The following RMND1 variants were observed in gnomAD, a reference collection of about 807,000 sequenced individuals.
RMND1 encodes required for meiotic nuclear division protein 1 homolog.
In RMND1, 41 loss-of-function variants were observed where a neutral mutation model predicts 54.0. That is an observed-to-expected ratio of 0.76 (90% CI 0.59 to 0.98). The LOEUF is 0.98. Among genes scored for constraint, RMND1 ranks in the 50% least tolerant of loss-of-function variants. The pLI, the probability that RMND1 is intolerant of heterozygous loss-of-function variation, is 0.00. For missense variants in RMND1, 457 were observed against 532.0 expected, an observed-to-expected ratio of 0.86 and a Z score of 1.39; for synonymous variants, 183 against 181.7, an observed-to-expected ratio of 1.01 and a Z score of -0.06.
intron 10 of RMND1, chr6:151,409,023 T>G (rs1779718893): frequency 6.6e-6 from 1 of 152,236 alleles, no homozygotes; most frequent in Non-Finnish European, 1.5e-5. Flanking sequence ...TGGAAGTACT[T>G]GTTTTAACAT....
intron 2 of RMND1, among the ~76,000 whole-genome samples, chr6:151,440,167 G>A (rs1435692715): frequency 2.0e-5 from 3 of 152,126 alleles, no homozygotes; most frequent in Non-Finnish European, 4.4e-5. Flanking sequence ...ATGTTGGCCA[G>A]GCTGGTCTCA....
chr6:151,432,165 C>T, intron 4 of RMND1, among the ~76,000 whole-genome samples: 1 of 152,148 alleles, frequency 6.6e-6, no homozygotes. Flanking sequence ...TCTCAAACTC[C>T]TGACCTTGTG....
chr6:151,414,662 A>T, intron 10 of RMND1, among the ~76,000 whole-genome samples: 1 of 152,338 alleles, frequency 6.6e-6, no homozygotes, highest in East Asian at 1.9e-4. Flanking sequence ...AAATAAACTC[A>T]ATGTTGGGCA....
chr6:151,451,401 C>T (rs970192661), intron 1 of RMND1, among the ~76,000 whole-genome samples: 3 of 152,070 alleles, frequency 2.0e-5, no homozygotes, highest in African/African-American at 4.8e-5. Flanking sequence ...GACAAAAATC[C>T]TATCTTTTGA....
chr6:151,420,121 G>A (rs114781404), intron 9 of RMND1, among the ~76,000 whole-genome samples: 36 of 152,190 alleles, frequency 2.4e-4, no homozygotes, highest in African/African-American at 8.2e-4. Context: ...ACAAACCTAC[G>A]TATATTTAGT....
Position 151,448,028 on chromosome 6 carries a change from C to A in RMND1, c.-14-2203G>T, listed in dbSNP as rs183420010. Among the ~76,000 whole-genome samples, 752 of 152,204 alleles carry A rather than the reference C, an allele frequency of 4.9e-3. 5 individuals are homozygous for A. Among genetic ancestry groups the A allele is most frequent in the Admixed American group, 0.016 (251 of 15,294 alleles). On this transcript the variant is annotated intron_variant, in intron 1 of 11. Coordinates refer to ENST00000444024, the MANE Select transcript of RMND1 (RefSeq NM_017909.4). ...ACGGGGTTTCATTATGTTGGCCAGG[C>A]TGGTCTTGAAATCCTGACCTCAGGT... is the stretch of plus-strand genomic sequence containing the variant.
intron 2 of RMND1, among the ~76,000 whole-genome samples, chr6:151,442,225 T>C (rs1391747222): frequency 6.6e-6 from 1 of 152,246 alleles, no homozygotes; most frequent in Non-Finnish European, 1.5e-5. Context: ...CTGTAAGTTT[T>C]TCTGACTACA....
chr6:151,430,596 A>G (rs961109564), intron 4 of RMND1, among the ~76,000 whole-genome samples: 1 of 152,200 alleles, frequency 6.6e-6, no homozygotes, highest in Non-Finnish European at 1.5e-5. Flanking sequence ...TTGTGGAATA[A>G]AGAGATGGTG....
chr6:151,447,952 T>C (rs1000444151), intron 1 of RMND1, among the ~76,000 whole-genome samples: 1 of 151,996 alleles, frequency 6.6e-6, no homozygotes, highest in African/African-American at 2.4e-5. Context: ...TAGCTGGGAT[T>C]ACAGGTGTCT....
intron 9 of RMND1, among the ~76,000 whole-genome samples, chr6:151,419,571 G>T (rs1044194546): frequency 2.0e-5 from 3 of 151,438 alleles, no homozygotes; most frequent in Non-Finnish European, 2.9e-5. Flanking sequence ...CTACCCAGGA[G>T]GGTGAGGCAG....
At chr6:151,422,686 CACT>C (rs1780187143) in intron 7 of RMND1, 81 bp from the exon 8 acceptor site, 3 of 574,460 alleles carry the variant, frequency 5.2e-6, no homozygotes, top group Admixed American at 7.3e-5. Context: ...ACAGCATCTT[CACT>C]ACTATTTCAG....
At chr6:151,405,611 C>A in intron 11 of RMND1, 109 bp downstream of exon 11, 1 of 655,788 alleles carries the variant, frequency 1.5e-6, no homozygotes. Flanking sequence ...ATAACAAAGT[C>A]AGCCTCTTTT....
chr6:151,431,683 T>G (rs181555243), intron 4 of RMND1, among the ~76,000 whole-genome samples: 89 of 152,222 alleles, frequency 5.8e-4, no homozygotes, highest in African/African-American at 2.0e-3. Context: ...GCGCTGTAAG[T>G]GTACAATACA....
intron 1 of RMND1, among the ~76,000 whole-genome samples, chr6:151,446,387 T>G (rs995916943): frequency 1.3e-5 from 2 of 151,024 alleles, no homozygotes; most frequent in Non-Finnish European, 2.9e-5. Flanking sequence ...GAGTCATGAT[T>G]GTACCACTGC....
intron 2 of RMND1, among the ~76,000 whole-genome samples, chr6:151,444,004 A>C (rs967205973): frequency 2.0e-5 from 3 of 152,258 alleles, no homozygotes; most frequent in African/African-American, 7.2e-5. Context: ...TGAATGTTGA[A>C]AATCTACTTC....
At chr6:151,422,878 G>A (rs1019021180) in intron 7 of RMND1, among the ~76,000 whole-genome samples, 7 of 152,106 alleles carry the variant, frequency 4.6e-5, no homozygotes, top group Admixed American at 4.6e-4. Flanking sequence ...TGGAAACTGA[G>A]GAGGGTAGGG....
chr6:151,424,609 T>C (rs1470393765), intron 6 of RMND1, among the ~76,000 whole-genome samples: 2 of 152,262 alleles, frequency 1.3e-5, no homozygotes, highest in East Asian at 3.9e-4. Context: ...AAGGAGAACG[T>C]TCACAGTAAA....
At chr6:151,438,199 A>G (rs1780667950) in intron 2 of RMND1, among the ~76,000 whole-genome samples, 1 of 152,236 alleles carries the variant, frequency 6.6e-6, no homozygotes, top group African/African-American at 2.4e-5. Context: ...CTGATGTACG[A>G]TGTGTGTAAA....
intron 1 of RMND1, among the ~76,000 whole-genome samples, chr6:151,450,588 GC>G (rs1245078978): frequency 6.8e-6 from 1 of 147,470 alleles, no homozygotes; most frequent in Non-Finnish European, 1.5e-5. Context: ...GGGGGGGTCA[GC>G]CCCCCGCCCG....
Sources: allele counts gnomAD v4.1 joint callset (sites outside exome capture counted in the v4.1 genomes callset), GRCh38; gene constraint gnomAD v4.1.1; transcripts MANE v1.5; gene names NCBI Gene and HGNC (gene_info 2026-07-23, HGNC 2026-07-21).